The following PIGG variants were observed in gnomAD, a reference collection of about 807,000 sequenced individuals.
PIGG encodes phosphatidylinositol glycan anchor biosynthesis class G (EMM blood group), also known as GPI ethanolamine phosphate transferase 2, catalytic subunit.
PIGG carries 70 observed loss-of-function variants against 83.2 expected under a neutral mutation model. The observed-to-expected ratio is 0.84, with a 90% CI of 0.69 to 1.03. PIGG has a LOEUF of 1.03. PIGG is among the 50% of genes least tolerant of loss of function. PIGG has a pLI of 0.00. For missense variants in PIGG, 1,257 were observed against 1,233.6 expected, an observed-to-expected ratio of 1.02 and a Z score of -0.28; for synonymous variants, 532 against 519.5, an observed-to-expected ratio of 1.02 and a Z score of -0.33.
rs558667217 is a variant in PIGG at position 500,297 on chromosome 4, G to T, written c.155-99G>T. 3.0e-5 allele frequency: 25 copies of T among 836,708 alleles called. No homozygotes were observed. In the Admixed American group the frequency reaches 3.9e-4, roughly 13 times the overall value. 51.8% of individuals were successfully genotyped at this position (836,708 alleles called of 1,614,324 possible). On this transcript the variant is annotated intron_variant, in intron 1 of 12. Coordinates refer to ENST00000453061, the MANE Select transcript of PIGG (RefSeq NM_001127178.3). ...GGTTGGGTTATGTAGATATCGCAGG[G>T]TATGTGCTGGAGAAGTAGGTAGAAG...
At chr4:525,474 T>G in intron 9 of PIGG, 9 of 465,128 alleles carry the variant, frequency 1.9e-5, no homozygotes, top group Non-Finnish European at 2.5e-5. Context: ...AAAAGGGAAA[T>G]GCCTAGTCCT....
chr4:504,116 G>A (rs2108774717), intron 2 of PIGG, among the ~76,000 whole-genome samples: 1 of 152,342 alleles, frequency 6.6e-6, no homozygotes, highest in Non-Finnish European at 1.5e-5. Flanking sequence ...TATTTTGGTT[G>A]TTTGTATAGT....
rs1163924928 is a variant in PIGG, at chr4:528,592, G to A, written c.2261+1362G>A. 3.2e-5 allele frequency: 32 copies of A among 985,250 alleles called. No homozygotes were observed. The highest frequency in any genetic ancestry group is 1.1e-4 in the East Asian group (1 of 8,820). The allele number at this position is 985,250 out of a possible 1,614,324, so 61.0% of individuals were successfully genotyped here. A position where few individuals can be genotyped will look rare whatever the true frequency, so the allele number is the denominator to read the frequency against. On this transcript the variant is annotated intron_variant, in intron 10 of 12. Transcript: ENST00000453061. This position sits in a 1 kb window ranked among gnomAD's most constrained non-coding sequence, Gnocchi z 4.8. ...AGGATGCTGACGTGCAGGTACCAGC[G>A]GTGTTCTGTGGAGATGTCTCAAAGG...
intron 10 of PIGG, chr4:527,729 C>T (rs1465066895): frequency 1.3e-4 from 127 of 985,264 alleles, no homozygotes; most frequent in Non-Finnish European, 1.5e-4. Flanking sequence ...GCCAGGAGCT[C>T]CTGTTGATTG....
chr4:536,427 C>A (rs56121355), intron 12 of PIGG: 28,404 of 152,142 alleles, frequency 0.19, 3,183 homozygotes, highest in African/African-American at 0.32. Context: ...ACAGTCACCG[C>A]TGAGCTTGTC....
At chr4:522,131 G>C (rs777131561) in intron 8 of PIGG, 190 bp downstream of exon 8, 6 of 652,842 alleles carry the variant, frequency 9.2e-6, no homozygotes, top group African/African-American at 1.8e-5. Context: ...TGGGTGTCCC[G>C]ACACAGGTGT....
intron 8 of PIGG, 109 bp from the exon 9 acceptor site, chr4:523,350 C>G: frequency 1.2e-6 from 1 of 814,872 alleles, no homozygotes; most frequent in Non-Finnish European, 2.0e-6. Flanking sequence ...GTGTGAGGAA[C>G]AATGGTGTGT....
At chr4:512,250 T>C (rs573188739) in intron 5 of PIGG, among the ~76,000 whole-genome samples, 175 of 147,280 alleles carry the variant, frequency 1.2e-3, no homozygotes, top group Non-Finnish European at 1.7e-3. Flanking sequence ...GATGGAGTCT[T>C]GCTCTGTCAC....
chr4:500,974 A>G, intron 2 of PIGG: 1 of 388,676 alleles, frequency 2.6e-6, no homozygotes, highest in South Asian at 2.0e-5. Flanking sequence ...TCTAGACTTT[A>G]TAGATAGGAA....
chr4:518,311 T>C lies in PIGG; in HGVS notation c.1114+2126T>C, dbSNP rs557452138. On this transcript the variant is annotated intron_variant, in intron 6 of 12. Coordinates refer to ENST00000453061, the MANE Select transcript of PIGG (RefSeq NM_001127178.3). ...AGAGTGATAAAAACACCAACAAAAT[T>C]GGCCAGGTGTGGTGGCTCACGCCTG... 2.0e-5 allele frequency among the ~76,000 whole-genome samples: 3 copies of C among 152,348 alleles called. No individual in the cohort carries two copies. In the South Asian group the frequency reaches 6.2e-4, roughly 32 times the overall value.
intron 5 of PIGG, among the ~76,000 whole-genome samples, chr4:510,273 G>A (rs1553882668): frequency 6.6e-6 from 1 of 152,236 alleles, no homozygotes. Flanking sequence ...GAAACGAAGG[G>A]ATGGGCTGAA....
chr4:512,602 G>A (rs1722452957), intron 5 of PIGG, among the ~76,000 whole-genome samples: 1 of 151,846 alleles, frequency 6.6e-6, no homozygotes, highest in Non-Finnish European at 1.5e-5. Flanking sequence ...GGATCACAAG[G>A]GCAGAAGTTC....
rs1399505367 is a variant in PIGG at position 515,597 on chromosome 4, C to T, written c.902-376C>T. ...AAATCCAGAGGGGCCGGGCTGTCAG[C>T]GATCCCAGCCTCACTTCATTCTCCG... On this transcript the variant is annotated intron_variant, in intron 5 of 12. Coordinates refer to ENST00000453061, the MANE Select transcript of PIGG (RefSeq NM_001127178.3). This position sits in a 1 kb window ranked among gnomAD's most constrained non-coding sequence, Gnocchi z 4.2. Among the ~76,000 whole-genome samples, 3 of 152,232 alleles carry T rather than the reference C, an allele frequency of 2.0e-5. No homozygotes were observed. Among genetic ancestry groups the T allele is most frequent in the Non-Finnish European group, 2.9e-5 (2 of 68,030 alleles).
intron 5 of PIGG, 76 bp downstream of exon 5, chr4:509,046 C>A: frequency 7.5e-7 from 1 of 1,332,384 alleles, no homozygotes; most frequent in South Asian, 1.4e-5. Context: ...ATTTTGAAAA[C>A]CTATTTTTTA....
intron 9 of PIGG, chr4:525,420 T>C (rs1727304677): frequency 2.2e-6 from 2 of 921,212 alleles, no homozygotes; most frequent in South Asian, 1.0e-4. Context: ...AGGGTTGCGG[T>C]CCCGTCACTG....
In PIGG at chr4:523,703, C is replaced by T; in HGVS notation, c.1859C>T (p.Ala620Val). 1 of 1,614,188 alleles carries T rather than the reference C, an allele frequency of 6.2e-7. No homozygotes were observed. The highest frequency in any genetic ancestry group is 8.5e-7 in the Non-Finnish European group (1 of 1,180,014). ...GAACAAGGGCATGACGGGGCCACAG[C>T]AGCGTGGCAGGACGGGCCTGGCTGT... ...CVEQGHDGAT[A>V]AWQDGPGCDV... Residue 620 changes from alanine to valine, a missense_variant, in exon 9 of 13, where the codon GCA becomes GTA. Ala to Val is a moderately conservative substitution (Grantham distance 64, BLOSUM62 0). Coordinates refer to ENST00000453061, the MANE Select transcript of PIGG (RefSeq NM_001127178.3).
rs201475664 is a variant in PIGG, at chr4:523,742, G to A, written c.1898G>A (p.Arg633Gln). 7.9e-5 allele frequency: 127 copies of A among 1,614,134 alleles called. No individual in the cohort carries two copies. Among genetic ancestry groups the A allele is most frequent in the African/African-American group, 1.2e-4 (9 of 75,048 alleles). The stretch of plus-strand genomic sequence containing the variant: ...GGGCCTGGCTGTGATGTCCTGGAGC[G>A]AGACAAAGGCCACGGAAGCCCCTCT... ...QDGPGCDVLE[R>Q]DKGHGSPSTS... The change falls in exon 9 of 13, where the codon CGA (arginine) becomes CAA (glutamine). Residue 633 changes from arginine (R) to glutamine (Q), a missense_variant. Arg to Gln is a conservative substitution (Grantham distance 43). Coordinates refer to ENST00000453061, the MANE Select transcript of PIGG (RefSeq NM_001127178.3).
intron 3 of PIGG, among the ~76,000 whole-genome samples, chr4:507,073 A>G (rs71602466): frequency 6.6e-6 from 1 of 152,346 alleles, no homozygotes; most frequent in South Asian, 2.1e-4. Context: ...AAACATAAAA[A>G]CAATATTAGC....
Position 521,695 on chromosome 4 carries a change from A to C in PIGG, c.1368A>C (p.Ala456=), listed in dbSNP as rs1325746371. Residue 456 remains alanine (A), a synonymous_variant, in exon 8 of 13, where the codon GCA becomes GCC. Coordinates refer to ENST00000453061, the MANE Select transcript of PIGG (RefSeq NM_001127178.3). ...TGCTCCTGCTCAGCGTCCCACAGGC[A>C]CTGCGCAGAAAGGCTGAGCTGGAAG... The part of the protein sequence containing the change: ...LTLLLLSVPQ[A]LRRKAELEVP... The C allele has an allele frequency of 6.2e-7, 1 of 1,614,066 alleles. No homozygotes were observed. The highest frequency in any genetic ancestry group is 2.2e-5 in the East Asian group (1 of 44,886).
Sources: gnomAD v4.1 joint callset for allele counts (sites outside exome capture counted in the v4.1 genomes callset) on GRCh38, gnomAD v4.1.1 for gene constraint, Gnocchi (gnomAD v3.1) non-coding constraint, MANE v1.5 for transcripts, NCBI Gene and HGNC (gene_info 2026-07-23, HGNC 2026-07-21) for gene names.